Variants in ARHGAP20 observed in about 807,000 individuals in gnomAD.
The protein encoded by ARHGAP20 is Rho GTPase activating protein 20.
Under a neutral mutation model 73.7 loss-of-function variants are expected in ARHGAP20, and 34 were observed. The observed-to-expected ratio is 0.46, with a 90% CI of 0.35 to 0.61. The LOEUF is 0.61. ARHGAP20 is among the 20% of genes least tolerant of loss of function. The pLI is 0.00. For missense variants in ARHGAP20, 1,314 were observed against 1,420.9 expected (o/e 0.92, Z 1.21); for synonymous variants, 523 against 518.2 (o/e 1.01, Z -0.13).
intron 4 of ARHGAP20, among the ~76,000 whole-genome samples, chr11:110,620,899 C>A (rs937106874): frequency 6.6e-6 from 1 of 150,780 alleles, no homozygotes; most frequent in South Asian, 2.1e-4. Flanking sequence ...TGGGGAAACC[C>A]AGTTTCTACT....
intron 1 of ARHGAP20, among the ~76,000 whole-genome samples, chr11:110,691,673 T>C (rs1008574248): frequency 6.6e-6 from 1 of 152,186 alleles, no homozygotes; most frequent in Non-Finnish European, 1.5e-5. Flanking sequence ...GAGAAGAGGA[T>C]GCTAGACTTC....
At chr11:110,698,638 A>T (rs1410591087) in intron 1 of ARHGAP20, among the ~76,000 whole-genome samples, 3 of 151,996 alleles carry the variant, frequency 2.0e-5, no homozygotes, top group East Asian at 3.9e-4. Flanking sequence ...TTGCTGGCTC[A>T]ATCATGCAGG....
chr11:110,636,131 T>C (rs1228327584), intron 2 of ARHGAP20, among the ~76,000 whole-genome samples: 1 of 152,118 alleles, frequency 6.6e-6, no homozygotes, highest in African/African-American at 2.4e-5. Context: ...CTTCAAACTA[T>C]TACTCAAAGG....
intron 1 of ARHGAP20, among the ~76,000 whole-genome samples, chr11:110,708,658 CA>C (rs898252246): frequency 1.3e-5 from 2 of 151,860 alleles, no homozygotes; most frequent in Non-Finnish European, 2.9e-5. Context: ...ATTACATTTA[CA>C]AAAAATCTTT....
intron 1 of ARHGAP20, among the ~76,000 whole-genome samples, chr11:110,698,434 T>C (rs1468742693): frequency 6.6e-6 from 1 of 151,894 alleles, no homozygotes; most frequent in Non-Finnish European, 1.5e-5. Context: ...ACTGGTTTCA[T>C]AGAACGAGTT....
At chr11:110,608,128 C>T (rs1037984242) in intron 8 of ARHGAP20, among the ~76,000 whole-genome samples, 3 of 152,112 alleles carry the variant, frequency 2.0e-5, no homozygotes, top group African/African-American at 7.2e-5. Context: ...ACAGTTGTGA[C>T]CTCATAGACA....
intron 2 of ARHGAP20, among the ~76,000 whole-genome samples, chr11:110,660,065 A>AAAAAAAAAC (rs1555097584): frequency 1.0e-5 from 1 of 95,584 alleles, no homozygotes; most frequent in African/African-American, 4.9e-5. Flanking sequence ...AAAAAACAAA[A>AAAAAAAAAC]AAAAAAAAAA....
At position 110,578,316 on chromosome 11, in the gene ARHGAP20, C is replaced by T. The variant is rs1044708230; in HGVS notation, c.*1054G>A. The T allele has an allele frequency of 5.4e-5, 53 of 985,258 alleles. No individual in the cohort carries two copies. In the East Asian group the frequency reaches 1.2e-3, roughly 23 times the overall value. 61.0% of individuals were successfully genotyped at this position (985,258 alleles called of 1,614,324 possible). Reference sequence around the variant, plus strand: ...ATTCTATTGTGGGACTCCTTATAACCGGCCAACCTCAATATTGCTCTCTCA... The same window carrying T: ...ATTCTATTGTGGGACTCCTTATAACTGGCCAACCTCAATATTGCTCTCTCA... On this transcript the variant is annotated 3_prime_UTR_variant, in exon 15 of 15. Transcript: ENST00000683387.
chr11:110,624,311 T>A lies in ARHGAP20; in HGVS notation c.354A>T (p.Lys118Asn). 6.5e-7 allele frequency: 1 copy of A among 1,542,436 alleles called. No homozygotes were observed. Among genetic ancestry groups the A allele is most frequent in the Non-Finnish European group, 8.7e-7 (1 of 1,148,960 alleles). Residue 118 changes from lysine (K) to asparagine (N), a missense_variant and splice_region_variant, in exon 4 of 15, where the codon AAA becomes AAT. Coordinates refer to ENST00000683387, the MANE Select transcript of ARHGAP20 (RefSeq NM_001384657.1). ...TTTTTATCTTAAAGTTATTGTTATA[T>A]CTAGAAAGATAAAAACCAAACAGAA... Reference protein sequence around the residue: ...FNDLFVVAKIKYNNNFKIKNK... With the variant: ...FNDLFVVAKINYNNNFKIKNK...
intron 2 of ARHGAP20, among the ~76,000 whole-genome samples, chr11:110,662,994 T>C (rs1272510989): frequency 6.6e-6 from 1 of 151,974 alleles, no homozygotes; most frequent in Non-Finnish European, 1.5e-5. Context: ...AGAAAAGTGT[T>C]GTAAACTTAA....
chr11:110,595,138 G>A (rs966122728), intron 9 of ARHGAP20, among the ~76,000 whole-genome samples: 31 of 151,518 alleles, frequency 2.0e-4, no homozygotes, highest in South Asian at 4.2e-4. Context: ...TTGATGGGAC[G>A]TATCTCAAAA....
chr11:110,580,259 T>C lies in ARHGAP20; in HGVS notation c.2687A>G (p.Gln896Arg), dbSNP rs1309342075. 6.2e-7 allele frequency: 1 copy of C among 1,614,118 alleles called. No homozygotes were observed. Among genetic ancestry groups the C allele is most frequent in the African/African-American group, 1.3e-5 (1 of 74,950 alleles). ...GACTAAACTCTGATTAATGAGCTTC[T>C]GCCCCTCCATTTGCAAAGACTTATG... The part of the protein sequence containing the change: ...KRHKSLQMEG[Q>R]KLINQSLVMG... The change falls in exon 15 of 15, where the codon CAG (glutamine) becomes CGG (arginine). Residue 896 changes from glutamine (Q) to arginine (R), a missense_variant. Physicochemically the swap from Gln to Arg is conservative, Grantham distance 43 (BLOSUM62 1). Transcript: ENST00000683387.
In ARHGAP20 at chr11:110,580,008, G is replaced by A; in HGVS notation, c.2938C>T (p.Gln980Ter). ...AGGTCTTCCCGTTTTCTCTGAGCCT[G>A]AAAAGTGCAATCTATTGGAGAGGAA... Reference protein sequence around the residue: ...ETSSPIDCTFQAQRKREDLSP... With the variant: ...ETSSPIDCTF The change falls in exon 15 of 15, where the codon CAG (glutamine) becomes TAG (stop). Residue 980 changes from glutamine to a stop codon, truncating the protein, a stop_gained. Coordinates refer to ENST00000683387, the MANE Select transcript of ARHGAP20 (RefSeq NM_001384657.1). LOFTEE classifies it low-confidence loss of function (END_TRUNC). 1 of 1,614,244 alleles carries A rather than the reference G, an allele frequency of 6.2e-7. No individual in the cohort carries two copies. Among genetic ancestry groups the A allele is most frequent in the Non-Finnish European group, 8.5e-7 (1 of 1,180,040 alleles).
chr11:110,630,864 T>A, intron 2 of ARHGAP20, 72 bp from the exon 3 acceptor site: 1 of 1,472,294 alleles, frequency 6.8e-7, no homozygotes. Flanking sequence ...CAAAATTCTG[T>A]AATTTTTTTT....
At chr11:110,650,933 A>C (rs1420325667) in intron 2 of ARHGAP20, among the ~76,000 whole-genome samples, 1 of 152,084 alleles carries the variant, frequency 6.6e-6, no homozygotes. Context: ...TTTGCTACTT[A>C]CAAACTACAA....
intron 1 of ARHGAP20, among the ~76,000 whole-genome samples, chr11:110,707,436 G>A (rs572911447): frequency 6.6e-5 from 10 of 152,140 alleles, no homozygotes; most frequent in African/African-American, 2.4e-4. Context: ...AGGAATTACT[G>A]TACAAATTTA....
rs751819482 is a variant in ARHGAP20, at chr11:110,580,941, G to C, written c.2005C>G (p.Pro669Ala). ...PVNILVYTKI[P>A]LRDHARAPSA... ...GGGGCCCTGGCATGATCCCGCAGTG[G>C]GATCTTTGTGTACACTAAAATGTTC... Residue 669 changes from proline (P) to alanine (A), a missense_variant, in exon 15 of 15, where the codon CCA (proline) becomes GCA (alanine). Coordinates refer to ENST00000683387, the MANE Select transcript of ARHGAP20 (RefSeq NM_001384657.1). 6.2e-7 allele frequency: 1 copy of C among 1,614,096 alleles called. No homozygotes were observed. Among genetic ancestry groups the C allele is most frequent in the South Asian group, 1.1e-5 (1 of 91,084 alleles).
At chr11:110,626,205 G>A (rs1201699611) in intron 3 of ARHGAP20, among the ~76,000 whole-genome samples, 4 of 151,948 alleles carry the variant, frequency 2.6e-5, no homozygotes, top group African/African-American at 9.7e-5. Context: ...TCCCATATTT[G>A]TTTTCACATA....
chr11:110,650,018 T>TA (rs982244372), intron 2 of ARHGAP20, among the ~76,000 whole-genome samples: 14 of 152,150 alleles, frequency 9.2e-5, no homozygotes, highest in Non-Finnish European at 1.9e-4. Context: ...ATGAAATCTT[T>TA]AAAAAAATCT....
Sources: allele counts gnomAD v4.1 joint callset (sites outside exome capture counted in the v4.1 genomes callset), GRCh38; gene constraint gnomAD v4.1.1; transcripts MANE v1.5; gene names NCBI Gene and HGNC (gene_info 2026-07-23, HGNC 2026-07-21).